The following TTC6 variants were observed in gnomAD, a reference collection of about 807,000 sequenced individuals.
TTC6 encodes tetratricopeptide repeat protein 6.
In TTC6, 172 loss-of-function variants were observed where a neutral mutation model predicts 210.4. The observed-to-expected ratio is 0.82, with a 90% CI of 0.72 to 0.93. TTC6 has a LOEUF of 0.93. Ranked by LOEUF, TTC6 falls within the 40% of genes least tolerant of loss-of-function variation. TTC6 has a pLI of 0.00. For missense variants in TTC6, 2,414 were observed against 2,318.1 expected (o/e 1.04, Z -0.85); for synonymous variants, 804 against 819.6 (o/e 0.98, Z 0.32).
chr14:37,678,139 G>C (rs2138527776), intron 1 of TTC6, among the ~76,000 whole-genome samples: 1 of 152,142 alleles, frequency 6.6e-6, no homozygotes, highest in Middle Eastern at 3.4e-3. Flanking sequence ...AAGAGTGTTG[G>C]AGTTTGTTCT....
At chr14:37,805,569 A>G (rs982816705) in intron 21 of TTC6, among the ~76,000 whole-genome samples, 2 of 152,226 alleles carry the variant, frequency 1.3e-5, no homozygotes, top group African/African-American at 4.8e-5. Flanking sequence ...AAGAAATGCC[A>G]GTAAATATGA....
At chr14:37,737,803 A>AT (rs11439106) in intron 9 of TTC6, 69 bp downstream of exon 11, 338,484 of 600,078 alleles carry the variant, frequency 0.56, 88,226 homozygotes, top group East Asian at 0.77. Context: ...TAATCACCTT[A>AT]TTTTTTTTTA....
At chr14:37,825,766 C>T (rs2096169548) in intron 27 of TTC6, among the ~76,000 whole-genome samples, 1 of 152,014 alleles carries the variant, frequency 6.6e-6, no homozygotes, top group Non-Finnish European at 1.5e-5. Flanking sequence ...TTATTCAATA[C>T]ATATTTATGT....
chr14:37,599,511 CCA>C (rs1203205969), intron 1 of TTC6, among the ~76,000 whole-genome samples: 1 of 152,176 alleles, frequency 6.6e-6, no homozygotes, highest in Admixed American at 6.5e-5. Context: ...ACAAAAACAG[CCA>C]CTGGGTTTGT....
chr14:37,696,579 A>G (rs960787), intron 3 of TTC6, 138 bp from the exon 6 acceptor site: 252,893 of 398,568 alleles, frequency 0.63, 81,266 homozygotes, highest in East Asian at 0.87. Context: ...GAAACTATCA[A>G]TTTACTTTTA....
At chr14:37,708,572 A>C (rs1957596) in intron 5 of TTC6, among the ~76,000 whole-genome samples, 151,580 of 152,156 alleles carry the variant, frequency 1, 75,508 homozygotes, top group Middle Eastern at 1. Flanking sequence ...GTGAAAGGCC[A>C]TTTTATTTTT....
chr14:37,697,952 CA>C (rs1229162311), intron 4 of TTC6, among the ~76,000 whole-genome samples: 1 of 151,878 alleles, frequency 6.6e-6, no homozygotes, highest in Non-Finnish European at 1.5e-5. Flanking sequence ...CAAAGAATGA[CA>C]AATAGTCCTG....
intron 14 of TTC6, among the ~76,000 whole-genome samples, chr14:37,773,209 A>C (rs2096026024): frequency 6.6e-6 from 1 of 152,022 alleles, no homozygotes; most frequent in Non-Finnish European, 1.5e-5. Context: ...TCTCCCATTC[A>C]GTAGGTTGTC....
At chr14:37,791,222 A>C (rs1159687455) in intron 16 of TTC6, among the ~76,000 whole-genome samples, 1 of 152,120 alleles carries the variant, frequency 6.6e-6, no homozygotes, top group Non-Finnish European at 1.5e-5. Context: ...TATGATTGCT[A>C]TGGACAGGAT....
chr14:37,601,730 G>A (rs1388585391), intron 1 of TTC6, among the ~76,000 whole-genome samples: 1 of 152,150 alleles, frequency 6.6e-6, no homozygotes, highest in Non-Finnish European at 1.5e-5. Flanking sequence ...TAATCGGGTG[G>A]CATAACAAAT....
intron 1 of TTC6, among the ~76,000 whole-genome samples, chr14:37,658,877 T>A (rs2095730753): frequency 6.6e-6 from 1 of 152,178 alleles, no homozygotes; most frequent in African/African-American, 2.4e-5. Context: ...ACCCAGGTAC[T>A]AAGCCTAGTA....
intron 5 of TTC6, among the ~76,000 whole-genome samples, chr14:37,703,904 A>G (rs893577361): frequency 5.3e-5 from 8 of 152,166 alleles, no homozygotes; most frequent in African/African-American, 1.9e-4. Context: ...CAGGCTTTAA[A>G]GTAGGCAAAA....
intron 1 of TTC6, among the ~76,000 whole-genome samples, chr14:37,641,935 C>T (rs367924148): frequency 1.3e-5 from 2 of 152,324 alleles, no homozygotes; most frequent in East Asian, 3.9e-4. Context: ...GAGACTGGAA[C>T]TATTTAGTTC....
chr14:37,765,181 G>C (rs1293959912), intron 14 of TTC6, among the ~76,000 whole-genome samples: 1 of 151,608 alleles, frequency 6.6e-6, no homozygotes, highest in Non-Finnish European at 1.5e-5. Context: ...ATTTTTTTTA[G>C]AGACAGGATC....
chr14:37,836,337 C>T lies in TTC6; in HGVS notation c.5299-5108C>T, dbSNP rs79932065. ...AACTCAGATCACTCTCTGGCTGGAT[C>T]CTAGAAATGTTTATGTGCATTGTAG... On this transcript the variant is annotated intron_variant, in intron 29 of 30. Transcript: ENST00000553443. Among the ~76,000 whole-genome samples, 895 of 152,202 alleles carry T rather than the reference C, an allele frequency of 5.9e-3. 7 individuals carry two copies. The highest frequency in any genetic ancestry group is 0.02 in the African/African-American group (844 of 41,526).
chr14:37,699,413 T>C (rs905697195), intron 4 of TTC6, among the ~76,000 whole-genome samples: 2 of 152,212 alleles, frequency 1.3e-5, no homozygotes, highest in African/African-American at 4.8e-5. Flanking sequence ...GTAAACAGTG[T>C]TTGAACCCAG....
rs112928034 is a variant in TTC6, at chr14:37,842,099, A to G, written c.5525-56A>G. On this transcript the variant is annotated intron_variant, in intron 30 of 30. Coordinates refer to ENST00000553443, the Ensembl canonical transcript of TTC6. ...TTATCCAATTTTTTTTTGTAAAAAA[A>G]GAGACTATTTTTTGAGTGCCAACTT... is the stretch of plus-strand genomic sequence containing the variant. 4.9e-3 allele frequency: 6,945 copies of G among 1,405,432 alleles called. 271 individuals carry two copies. In the African/African-American group the frequency reaches 0.087, roughly 18 times the overall value. 87.1% of individuals were successfully genotyped at this position (1,405,432 alleles called of 1,614,324 possible).
chr14:37,623,021 A>T lies in TTC6; in HGVS notation c.939+18A>T. The T allele has an allele frequency of 6.9e-7, 1 of 1,440,094 alleles. No homozygotes were observed. The highest frequency in any genetic ancestry group is 9.1e-7 in the Non-Finnish European group (1 of 1,097,862). The allele number at this position is 1,440,094 out of a possible 1,614,324, so 89.2% of individuals were successfully genotyped here. ...CAATGGAAGTAGGTGAACCAAAACA[A>T]GAGTAACATTTTTCCCAAATGCAAT... On this transcript the variant is annotated intron_variant, in intron 1 of 30. Transcript: ENST00000553443.
intron 1 of TTC6, among the ~76,000 whole-genome samples, chr14:37,665,012 G>C (rs894063844): frequency 6.6e-6 from 1 of 150,520 alleles, no homozygotes; most frequent in African/African-American, 2.4e-5. Flanking sequence ...TTGCTGGAGA[G>C]GTTGTGGAGA....
Sources: gnomAD v4.1 joint callset for allele counts (sites outside exome capture counted in the v4.1 genomes callset) on GRCh38, gnomAD v4.1.1 for gene constraint, MANE v1.5 for transcripts, NCBI Gene and HGNC (gene_info 2026-07-23, HGNC 2026-07-21) for gene names.